Variants in KLHL15 observed in about 807,000 individuals in gnomAD.
The protein encoded by KLHL15 is kelch like family member 15, also known as kelch-like protein 15.
In KLHL15, 1 loss-of-function variant was observed where a neutral mutation model predicts 29.3. The ratio of observed to expected loss-of-function variants is 0.03; its 90% CI spans 0.01 to 0.16. The LOEUF is 0.16. Ranked by LOEUF, KLHL15 falls within the 10% of genes least tolerant of loss-of-function variation. KLHL15 has a pLI of 1.00. For synonymous variants in KLHL15, 212 were observed against 184.5 expected (o/e 1.15, Z -1.21); for missense variants, 215 against 478.5 (o/e 0.45, Z 5.14).
chrX:24,015,628 T>C (rs1929661143), intron 2 of KLHL15, among the ~76,000 whole-genome samples: 1 of 112,605 alleles, frequency 8.9e-6, no homozygotes, highest in African/African-American at 3.2e-5. Context: ...GTCAGATGCC[T>C]GGGTTTGAAG....
At chrX:24,003,422 G>A (rs912069503) in intron 3 of KLHL15, among the ~76,000 whole-genome samples, 5 of 108,227 alleles carry the variant, frequency 4.6e-5, no homozygotes, top group Non-Finnish European at 9.6e-5. Flanking sequence ...GCGTGGTGGC[G>A]GGTGCCTGTA....
intron 3 of KLHL15, among the ~76,000 whole-genome samples, chrX:23,990,179 G>A (rs140533890): frequency 0.011 from 1,198 of 111,218 alleles, 8 homozygotes; most frequent in Admixed American, 0.036. Flanking sequence ...TTTAAGTATT[G>A]TCCTAAGTGC....
intron 1 of KLHL15, among the ~76,000 whole-genome samples, chrX:24,025,969 C>T (rs1287595769): frequency 9.0e-6 from 1 of 111,353 alleles, no homozygotes; most frequent in Non-Finnish European, 1.9e-5. Flanking sequence ...TGCGGTGCGC[C>T]CACCCTCGAC....
intron 3 of KLHL15, among the ~76,000 whole-genome samples, chrX:23,991,210 G>A (rs1174078239): frequency 9.2e-6 from 1 of 108,590 alleles, no homozygotes; most frequent in African/African-American, 3.4e-5. Flanking sequence ...AAATTTAGCT[G>A]GACATGGTGG....
rs751748446 is a variant in KLHL15 at position 24,006,676 on chromosome X, T to C, written c.18A>G (p.Glu6=). 4.2e-6 allele frequency: 5 copies of C among 1,192,293 alleles called. No individual in the cohort carries two copies. Among genetic ancestry groups the C allele is most frequent in the South Asian group, 3.7e-5 (2 of 54,576 alleles). Residue 6 remains glutamate (E), a synonymous_variant, in exon 3 of 4, where the codon GAA becomes GAG. Transcript: ENST00000328046. MAGDV[E]GFCSSIHDTS... is the part of the protein sequence containing the mutation. ...TGTCGTGGATGGAGGAACAGAATCC[T>C]TCCACGTCCCCTGCCATGAATCACC...
At position 24,024,682 on chromosome X, in the gene KLHL15, GA is replaced by G. The variant is rs34308888; in HGVS notation, c.-8+174del. On this transcript the variant is annotated intron_variant, in intron 2 of 3. Coordinates refer to ENST00000328046, the MANE Select transcript of KLHL15 (RefSeq NM_030624.3). ...TCCTTTTTCTTTCTCGCTCTCTCTGGAAAAAAAAATTACATTTCAAACAATT... is the reference window on the plus strand; with the variant it reads ...TCCTTTTTCTTTCTCGCTCTCTCTGGAAAAAAAATTACATTTCAAACAATT... Among the ~76,000 whole-genome samples, 193 of 111,863 alleles carry G rather than the reference GA, an allele frequency of 1.7e-3. 1 individual carries two copies. Among genetic ancestry groups the G allele is most frequent in the Non-Finnish European group, 3.0e-3 (157 of 52,902 alleles).
chrX:24,024,884 G>A lies in KLHL15; in HGVS notation c.-35C>T, dbSNP rs961553286. 1 of 296,892 alleles carries A rather than the reference G, an allele frequency of 3.4e-6. No homozygotes were observed. Among genetic ancestry groups the A allele is most frequent in the Non-Finnish European group, 5.9e-6 (1 of 169,809 alleles). The allele number at this position is 296,892 out of a possible 1,213,427, so 24.5% of individuals were successfully genotyped here. ...CGGGGGGTCCTGTCCAGCCTCTAGTGGACGGCAGTCTGCATCAGGAAGAAC... is the reference window on the plus strand; with the variant it reads ...CGGGGGGTCCTGTCCAGCCTCTAGTAGACGGCAGTCTGCATCAGGAAGAAC... On this transcript the variant is annotated 5_prime_UTR_variant, in exon 2 of 4. Coordinates refer to ENST00000328046, the MANE Select transcript of KLHL15 (RefSeq NM_030624.3).
Position 24,004,768 on chromosome X carries a change from C to T in KLHL15, c.705+1221G>A, listed in dbSNP as rs367852211. 2.4e-4 allele frequency among the ~76,000 whole-genome samples: 23 copies of T among 96,777 alleles called. No homozygotes were observed. The South Asian group carries it at 9.9e-3, about 41-fold the overall frequency. 84.0% of individuals were successfully genotyped at this position (96,777 alleles called of 115,157 possible). A position where few individuals can be genotyped will look rare whatever the true frequency, so the allele number is the denominator to read the frequency against. On this transcript the variant is annotated intron_variant, in intron 3 of 3. Transcript: ENST00000328046. ...TCACGCCACTGTACTCTAGCCTGGG[C>T]GACAGAGCGAGACTCTGTCTCAAAA...
intron 3 of KLHL15, among the ~76,000 whole-genome samples, chrX:23,994,004 G>C (rs1301403289): frequency 9.7e-6 from 1 of 103,458 alleles, no homozygotes; most frequent in Non-Finnish European, 1.9e-5. Flanking sequence ...CCATGATAGT[G>C]CCACTGCACT....
chrX:24,018,201 C>T (rs183719991), intron 2 of KLHL15, among the ~76,000 whole-genome samples: 35 of 111,718 alleles, frequency 3.1e-4, no homozygotes, highest in East Asian at 5.6e-4. Context: ...GCAGCAGTAG[C>T]GTGCTCAACA....
chrX:23,994,606 A>G (rs1929148996), intron 3 of KLHL15, among the ~76,000 whole-genome samples: 1 of 111,908 alleles, frequency 8.9e-6, no homozygotes, highest in African/African-American at 3.2e-5. Flanking sequence ...TCTGTGTATC[A>G]GGTACTCTCA....
chrX:24,025,050 G>T lies in KLHL15; in HGVS notation c.-201C>A. On this transcript the variant is annotated 5_prime_UTR_variant, in exon 2 of 4. Coordinates refer to ENST00000328046, the MANE Select transcript of KLHL15 (RefSeq NM_030624.3). ...AGAGTGCTCGCCTGCAGCCCCCTCT[G>T]GATAAGTCCTGGGAAAGAAGACAGC... 1 of 296,754 alleles carries T rather than the reference G, an allele frequency of 3.4e-6. No individual in the cohort carries two copies. Among genetic ancestry groups the T allele is most frequent in the Non-Finnish European group, 5.9e-6 (1 of 169,729 alleles). 24.5% of individuals were successfully genotyped at this position (296,754 alleles called of 1,213,427 possible).
At chrX:24,007,966 C>T (rs903203387) in intron 2 of KLHL15, among the ~76,000 whole-genome samples, 3 of 109,073 alleles carry the variant, frequency 2.8e-5, no homozygotes, top group African/African-American at 1.0e-4. Context: ...AGTACGTCTT[C>T]GAAAACTAAA....
At position 23,986,863 on chromosome X, in the gene KLHL15, GC is replaced by G. The variant is rs1482718658; in HGVS notation, c.*1057del. On this transcript the variant is annotated 3_prime_UTR_variant, in exon 4 of 4. Coordinates refer to ENST00000328046, the MANE Select transcript of KLHL15 (RefSeq NM_030624.3). ...TGGGAGTTGCACTTACTTTTAAGGG[GC>G]CTTGATTTAGGAGTCTGGTATTACC... The G allele has an allele frequency of 9.0e-6, 1 of 111,712 alleles. No individual in the cohort carries two copies. The highest frequency in any genetic ancestry group is 9.6e-5 in the Admixed American group (1 of 10,450). The allele number at this position is 111,712 out of a possible 1,213,427, so 9.2% of individuals were successfully genotyped here. A position where few individuals can be genotyped will look rare whatever the true frequency, so the allele number is the denominator to read the frequency against.
Position 24,017,928 on chromosome X carries a change from C to A in KLHL15, c.-8+6929G>T, listed in dbSNP as rs188029675. Among the ~76,000 whole-genome samples, 47 of 110,825 alleles carry A rather than the reference C, an allele frequency of 4.2e-4. No individual in the cohort carries two copies. In the East Asian group the frequency reaches 9.8e-3, roughly 23 times the overall value. On this transcript the variant is annotated intron_variant, in intron 2 of 3. Transcript: ENST00000328046. ...GACCAGCCTGGGCAATGTGGCCAGA[C>A]CTCTTCCCTACAAAAAAATTTTTTT...
chrX:24,025,619 C>T (rs1317661545), intron 1 of KLHL15, among the ~76,000 whole-genome samples: 1 of 106,151 alleles, frequency 9.4e-6, no homozygotes, highest in Non-Finnish European at 2.0e-5. Context: ...CGTGGCCTGG[C>T]GGGTGTTTAC....
At chrX:23,997,850 G>A (rs952130930) in intron 3 of KLHL15, among the ~76,000 whole-genome samples, 6 of 108,409 alleles carry the variant, frequency 5.5e-5, no homozygotes, top group Non-Finnish European at 1.1e-4. Flanking sequence ...AGGCTGAGGC[G>A]GGAGGACGGC....
At chrX:24,005,761 C>T (rs1169179613) in intron 3 of KLHL15, among the ~76,000 whole-genome samples, 1 of 112,142 alleles carries the variant, frequency 8.9e-6, no homozygotes, top group Non-Finnish European at 1.9e-5. Context: ...TTACTACCTA[C>T]GTGGTTTATC....
chrX:24,016,339 CAAAAAAAAAAAAAAAAA>C (rs755683770), intron 2 of KLHL15, among the ~76,000 whole-genome samples: 1 of 21,689 alleles, frequency 4.6e-5, no homozygotes, highest in African/African-American at 1.4e-4. Flanking sequence ...GACTCTGTCT[CAAAAAAAAAAAAAAAAA>C]AAAAAAAAAA....
Sources: allele counts gnomAD v4.1 joint callset (sites outside exome capture counted in the v4.1 genomes callset), GRCh38; gene constraint gnomAD v4.1.1; transcripts MANE v1.5; gene names NCBI Gene and HGNC (gene_info 2026-07-23, HGNC 2026-07-21).